WWOX: variants seen among roughly 807,000 people sequenced by gnomAD.
The protein encoded by WWOX is WW domain containing oxidoreductase.
A neutral mutation model predicts 46.2 loss-of-function variants in WWOX; 69 were observed. That is an observed-to-expected ratio of 1.49 (90% CI 1.23 to 1.82). The LOEUF (loss-of-function observed/expected upper bound fraction) is 1.82, where lower values mean the gene tolerates loss of function less well. WWOX is among the 40% of genes most tolerant of loss of function. WWOX has a pLI of 0.00. For missense variants in WWOX, 919 were observed against 542.6 expected (o/e 1.69, Z -6.89); for synonymous variants, 359 against 202.6 (o/e 1.77, Z -6.56).
chr16:78,923,107 G>A (rs376333726), intron 8 of WWOX, among the ~76,000 whole-genome samples: 2 of 151,130 alleles, frequency 1.3e-5, no homozygotes, highest in African/African-American at 2.4e-5. Flanking sequence ...TCAGCCTTGC[G>A]AGTAGCTGGG....
intron 8 of WWOX, among the ~76,000 whole-genome samples, chr16:78,862,440 A>G (rs181829948): frequency 1.3e-5 from 2 of 151,956 alleles, no homozygotes; most frequent in African/African-American, 4.8e-5. Context: ...TGTATAATGT[A>G]TATATATAGT....
At chr16:79,024,669 T>C (rs1307241064) in intron 8 of WWOX, among the ~76,000 whole-genome samples, 1 of 152,016 alleles carries the variant, frequency 6.6e-6, no homozygotes, top group East Asian at 1.9e-4. Flanking sequence ...TCTCCTGACC[T>C]CGTGATCTGC....
At chr16:78,870,065 A>G (rs898336332) in intron 8 of WWOX, among the ~76,000 whole-genome samples, 1 of 152,200 alleles carries the variant, frequency 6.6e-6, no homozygotes, top group African/African-American at 2.4e-5. Flanking sequence ...ATCATTGATC[A>G]AAGTATTGGT....
chr16:78,951,728 G>C (rs1352894873), intron 8 of WWOX, among the ~76,000 whole-genome samples: 4 of 152,138 alleles, frequency 2.6e-5, no homozygotes, highest in Non-Finnish European at 4.4e-5. Flanking sequence ...GGGTTAAGAG[G>C]CCTGGGCCCA....
intron 8 of WWOX, among the ~76,000 whole-genome samples, chr16:78,617,491 G>C (rs912775661): frequency 6.6e-6 from 1 of 151,890 alleles, no homozygotes; most frequent in Non-Finnish European, 1.5e-5. Context: ...ACAATGCTCA[G>C]TGCAGTGACT....
At position 78,439,691 on chromosome 16, in the gene WWOX, G is replaced by T. The variant is rs541887933; in HGVS notation, c.1056+6939G>T. ...TACATCAGTTTAGCTGCTTTAGGCC[G>T]CAAGTTATTAACACCCACTTAAAGG... On this transcript the variant is annotated intron_variant, in intron 8 of 8. Coordinates refer to ENST00000566780, the MANE Select transcript of WWOX (RefSeq NM_016373.4). 1.1e-4 allele frequency among the ~76,000 whole-genome samples: 16 copies of T among 152,326 alleles called. No individual in the cohort carries two copies. In the South Asian group the frequency reaches 3.1e-3, roughly 30 times the overall value.
chr16:78,729,682 C>G (rs1348601481), intron 8 of WWOX, among the ~76,000 whole-genome samples: 2 of 152,136 alleles, frequency 1.3e-5, no homozygotes, highest in East Asian at 1.9e-4. Flanking sequence ...TGCAAAAGAA[C>G]AAGTTTCTGT....
intron 8 of WWOX, among the ~76,000 whole-genome samples, chr16:78,493,463 G>A (rs542972616): frequency 6.6e-4 from 100 of 152,300 alleles, no homozygotes; most frequent in African/African-American, 2.3e-3. Context: ...AGTAACTAAC[G>A]TGTTTATTTA....
rs139274914 is a variant in WWOX, at chr16:78,755,375, C to G, written c.1056+322623C>G. Among the ~76,000 whole-genome samples, 295 of 152,180 alleles carry G rather than the reference C, an allele frequency of 1.9e-3. 2 individuals are homozygous for G. The highest frequency in any genetic ancestry group is 6.6e-3 in the African/African-American group (272 of 41,512). ...CAGTGGGTAGCCCAGGACTCCTGGT[C>G]CAGGTAAAGCAGGCCTTGTTGCTAT... On this transcript the variant is annotated intron_variant, in intron 8 of 8. Transcript: ENST00000566780.
chr16:79,196,654 G>A (rs1444588753), intron 8 of WWOX, among the ~76,000 whole-genome samples: 2 of 151,824 alleles, frequency 1.3e-5, no homozygotes, highest in African/African-American at 4.8e-5. Context: ...CCACCCTCCA[G>A]TTCTCATCCT....
chr16:78,447,787 G>A (rs1388749512), intron 8 of WWOX, among the ~76,000 whole-genome samples: 1 of 152,126 alleles, frequency 6.6e-6, no homozygotes, highest in African/African-American at 2.4e-5. Context: ...AAGGAAAGCA[G>A]AAGAAACTAT....
intron 8 of WWOX, among the ~76,000 whole-genome samples, chr16:79,060,740 G>A (rs913137569): frequency 2.6e-5 from 4 of 152,198 alleles, no homozygotes; most frequent in Non-Finnish European, 5.9e-5. Flanking sequence ...ATGGAGAATA[G>A]CTTTAGTCCA....
intron 8 of WWOX, among the ~76,000 whole-genome samples, chr16:78,982,428 A>G (rs926401076): frequency 1.3e-5 from 2 of 152,196 alleles, no homozygotes; most frequent in Admixed American, 6.5e-5. Context: ...AACCAATTAA[A>G]TAGTGAAATG....
chr16:78,573,533 T>C (rs1393510185), intron 8 of WWOX, among the ~76,000 whole-genome samples: 2 of 152,210 alleles, frequency 1.3e-5, no homozygotes, highest in African/African-American at 4.8e-5. Flanking sequence ...ACTCCTCTGC[T>C]CAAAAACATT....
intron 5 of WWOX, among the ~76,000 whole-genome samples, chr16:78,198,002 T>C (rs901256002): frequency 6.6e-6 from 1 of 152,110 alleles, no homozygotes; most frequent in African/African-American, 2.4e-5. Context: ...TTTGTAGTTA[T>C]GGTGGAGCAA....
intron 8 of WWOX, among the ~76,000 whole-genome samples, chr16:78,975,135 C>T (rs1358419585): frequency 1.5e-4 from 23 of 152,274 alleles, no homozygotes; most frequent in Admixed American, 1.5e-3. Flanking sequence ...AAAAGATACT[C>T]CAGTCCTTAA....
At chr16:78,859,416 C>T (rs1334093196) in intron 8 of WWOX, among the ~76,000 whole-genome samples, 4 of 152,058 alleles carry the variant, frequency 2.6e-5, no homozygotes, top group African/African-American at 9.6e-5. Flanking sequence ...GGGAATCTTA[C>T]CAGGAAGAAC....
In WWOX at chr16:78,650,574, A is replaced by G. The variant is rs549453357; in HGVS notation, c.1056+217822A>G. ...GCCTGCAAATGCATTTTTCATGTAT[A>G]GGTTATTCACTCTGGTCTTTGAGAT... On this transcript the variant is annotated intron_variant, in intron 8 of 8. Coordinates refer to ENST00000566780, the MANE Select transcript of WWOX (RefSeq NM_016373.4). Among the ~76,000 whole-genome samples, 7 of 152,320 alleles carry G rather than the reference A, an allele frequency of 4.6e-5. No individual in the cohort carries two copies. The South Asian group carries it at 1.4e-3, about 32-fold the overall frequency.
intron 8 of WWOX, among the ~76,000 whole-genome samples, chr16:79,186,337 C>T (rs576354301): frequency 6.6e-6 from 1 of 152,182 alleles, no homozygotes; most frequent in South Asian, 2.1e-4. Context: ...CAGGGCCATG[C>T]TCCTTCTCTA....
Sources: gnomAD v4.1 joint callset for allele counts (sites outside exome capture counted in the v4.1 genomes callset) on GRCh38, gnomAD v4.1.1 for gene constraint, MANE v1.5 for transcripts, NCBI Gene and HGNC (gene_info 2026-07-23, HGNC 2026-07-21) for gene names.